The following CTNND2 variants were observed in gnomAD, a reference collection of about 807,000 sequenced individuals.
The protein encoded by CTNND2 is catenin delta-2.
In CTNND2, 22 loss-of-function variants were observed where a neutral mutation model predicts 144.4. The ratio of observed to expected loss-of-function variants is 0.15; its 90% CI spans 0.11 to 0.22. The LOEUF is 0.22. CTNND2 is among the 10% of genes least tolerant of loss of function. CTNND2 has a pLI of 1.00. For synonymous variants in CTNND2, 751 were observed against 695.6 expected, an observed-to-expected ratio of 1.08 and a Z score of -1.25; for missense variants, 1,353 against 1,618.8, an observed-to-expected ratio of 0.84 and a Z score of 2.82.
At chr5:11,291,069 T>C (rs574558953) in intron 9 of CTNND2, among the ~76,000 whole-genome samples, 4 of 152,176 alleles carry the variant, frequency 2.6e-5, no homozygotes, top group Admixed American at 2.0e-4. Flanking sequence ...TTAACCATCT[T>C]CAAGGAATTG....
At chr5:11,714,353 T>C (rs1786221841) in intron 2 of CTNND2, among the ~76,000 whole-genome samples, 1 of 152,330 alleles carries the variant, frequency 6.6e-6, no homozygotes, top group African/African-American at 2.4e-5. Flanking sequence ...GATTACTGCA[T>C]GAATTTCTCT....
intron 3 of CTNND2, among the ~76,000 whole-genome samples, chr5:11,542,111 T>C (rs957517688): frequency 2.0e-5 from 3 of 152,060 alleles, no homozygotes; most frequent in Admixed American, 1.3e-4. Flanking sequence ...CTGCAGGGAT[T>C]TACCTCAGAG....
intron 2 of CTNND2, among the ~76,000 whole-genome samples, chr5:11,687,357 C>T (rs533719266): frequency 6.6e-6 from 1 of 152,352 alleles, no homozygotes; most frequent in East Asian, 1.9e-4. Context: ...CTTGCACTGC[C>T]TCCCACAGTC....
At chr5:11,147,943 G>A (rs1475236469) in intron 12 of CTNND2, among the ~76,000 whole-genome samples, 1 of 152,212 alleles carries the variant, frequency 6.6e-6, no homozygotes, top group Admixed American at 6.5e-5. Flanking sequence ...TGGATAAGTG[G>A]ATACACAAAA....
At position 10,972,712 on chromosome 5, in the gene CTNND2, T is replaced by C. The variant is rs140698162; in HGVS notation, c.*741A>G. ...GTCAGAAACTGCTGAATGCCTTGTT[T>C]AGTTGTCACAAACAAATTCACATAT... is the stretch of plus-strand genomic sequence containing the variant. On this transcript the variant is annotated 3_prime_UTR_variant, in exon 22 of 22. Coordinates refer to ENST00000304623, the MANE Select transcript of CTNND2 (RefSeq NM_001332.4). 2 of 152,738 alleles carry C rather than the reference T, an allele frequency of 1.3e-5. No individual in the cohort carries two copies. The highest frequency in any genetic ancestry group is 6.5e-5 in the Admixed American group (1 of 15,302). The allele number at this position is 152,738 out of a possible 1,614,324, so 9.5% of individuals were successfully genotyped here.
chr5:11,615,711 A>C (rs957334529), intron 2 of CTNND2, among the ~76,000 whole-genome samples: 16 of 152,204 alleles, frequency 1.1e-4, no homozygotes, highest in African/African-American at 3.9e-4. Flanking sequence ...CCAGTGTGTC[A>C]CATAAGTGTA....
intron 3 of CTNND2, among the ~76,000 whole-genome samples, chr5:11,549,389 G>C (rs914749445): frequency 2.0e-5 from 3 of 152,172 alleles, no homozygotes; most frequent in Non-Finnish European, 4.4e-5. Flanking sequence ...TTTCCCATCA[G>C]AGCAGAGGAT....
At chr5:11,762,266 T>A (rs1414080517) in intron 1 of CTNND2, among the ~76,000 whole-genome samples, 1 of 152,124 alleles carries the variant, frequency 6.6e-6, no homozygotes, top group East Asian at 1.9e-4. Flanking sequence ...CCAGACATCT[T>A]ATAAATGGGA....
At chr5:11,402,813 C>T (rs1448890017) in intron 5 of CTNND2, among the ~76,000 whole-genome samples, 2 of 152,186 alleles carry the variant, frequency 1.3e-5, no homozygotes, top group Admixed American at 6.5e-5. Context: ...ATATCTATTT[C>T]GTCTGGTCAG....
At chr5:11,162,670 T>A (rs972574096) in intron 11 of CTNND2, among the ~76,000 whole-genome samples, 3 of 151,074 alleles carry the variant, frequency 2.0e-5, no homozygotes, top group African/African-American at 7.3e-5. Context: ...GAAGTCTTGG[T>A]AAAGTGGATG....
In CTNND2 at chr5:11,674,716, T is replaced by TTTGGTTGGTTGGTTGG. The variant is rs56819149; in HGVS notation, c.174+57404_174+57419dup. Among the ~76,000 whole-genome samples the TTTGGTTGGTTGGTTGG allele has an allele frequency of 1.0e-3, 151 of 151,000 alleles. 1 individual carries two copies. Among genetic ancestry groups the TTTGGTTGGTTGGTTGG allele is most frequent in the African/African-American group, 2.9e-3 (120 of 40,882 alleles). On this transcript the variant is annotated intron_variant, in intron 2 of 21. Transcript: ENST00000304623. ...CATATGCAGTTTTTTTGTTTGTTTG[T>TTTGGTTGGTTGGTTGG]TTGGTTGGTTGGTTGGTTGGTTGGT...
At chr5:11,183,399 C>A (rs1231286241) in intron 11 of CTNND2, among the ~76,000 whole-genome samples, 3 of 152,128 alleles carry the variant, frequency 2.0e-5, no homozygotes, top group Non-Finnish European at 4.4e-5. Flanking sequence ...AAAGGATGCA[C>A]GTGATTGGCT....
intron 1 of CTNND2, among the ~76,000 whole-genome samples, chr5:11,794,157 C>T (rs893745253): frequency 6.6e-6 from 1 of 152,236 alleles, no homozygotes; most frequent in African/African-American, 2.4e-5. Context: ...CATTCACAGA[C>T]AAGCTTCCAA....
chr5:11,012,000 T>C (rs1339814994), intron 18 of CTNND2, among the ~76,000 whole-genome samples: 1 of 152,106 alleles, frequency 6.6e-6, no homozygotes. Context: ...ATGATGATGA[T>C]GATAAAATGA....
rs552247049 is a variant in CTNND2 at position 11,539,320 on chromosome 5, G to A, written c.287+25624C>T. On this transcript the variant is annotated intron_variant, in intron 3 of 21. Coordinates refer to ENST00000304623, the MANE Select transcript of CTNND2 (RefSeq NM_001332.4). Reference sequence around the variant, plus strand: ...CCAGACTGAATTCTGGGTGGCAGGCGGAAAGAACTTGCCCATCTCCAAGGC... The same window carrying A: ...CCAGACTGAATTCTGGGTGGCAGGCAGAAAGAACTTGCCCATCTCCAAGGC... Among the ~76,000 whole-genome samples the A allele has an allele frequency of 7.9e-5, 12 of 152,236 alleles. No individual in the cohort carries two copies. In the South Asian group the frequency reaches 8.3e-4, roughly 11 times the overall value.
intron 18 of CTNND2, among the ~76,000 whole-genome samples, chr5:11,000,006 G>A (rs778436110): frequency 2.6e-5 from 4 of 152,230 alleles, no homozygotes; most frequent in Non-Finnish European, 5.9e-5. Flanking sequence ...GACGTGGTCA[G>A]TCTGTTTAGT....
intron 2 of CTNND2, among the ~76,000 whole-genome samples, chr5:11,686,191 G>A (rs1581719961): frequency 2.0e-5 from 3 of 150,702 alleles, no homozygotes; most frequent in African/African-American, 7.4e-5. Context: ...GGGTGACAAA[G>A]TGAGACCATG....
chr5:11,237,415 T>G (rs1042219641), intron 9 of CTNND2, among the ~76,000 whole-genome samples: 1 of 152,240 alleles, frequency 6.6e-6, no homozygotes, highest in African/African-American at 2.4e-5. Context: ...TACATGTTAA[T>G]AAAGATTATG....
Position 11,175,711 on chromosome 5 carries a change from C to T in CTNND2, c.1976-15952G>A, listed in dbSNP as rs541031427. Among the ~76,000 whole-genome samples the T allele has an allele frequency of 2.6e-5, 4 of 152,134 alleles. No homozygotes were observed. The East Asian group carries it at 7.7e-4, about 29-fold the overall frequency. On this transcript the variant is annotated intron_variant, in intron 11 of 21. Coordinates refer to ENST00000304623, the MANE Select transcript of CTNND2 (RefSeq NM_001332.4). ...AAATGCTTTCCATATATTAACTCATCTGCTCTAAAGATGCTTCTTAATAGT... is the reference window on the plus strand; with the variant it reads ...AAATGCTTTCCATATATTAACTCATTTGCTCTAAAGATGCTTCTTAATAGT...
Sources: gnomAD v4.1 joint callset for allele counts (sites outside exome capture counted in the v4.1 genomes callset) on GRCh38, gnomAD v4.1.1 for gene constraint, MANE v1.5 for transcripts, NCBI Gene and HGNC (gene_info 2026-07-23, HGNC 2026-07-21) for gene names.